R3HDM4: variants seen among roughly 807,000 people sequenced by gnomAD.
R3HDM4 encodes the protein R3H domain-containing protein 4.
In R3HDM4, 30 loss-of-function variants were observed where a neutral mutation model predicts 31.3. That is an observed-to-expected ratio of 0.96 (90% confidence interval 0.72 to 1.30). The LOEUF is 1.30. Among genes scored for constraint, R3HDM4 ranks in the 50% most tolerant of loss-of-function variants. The pLI is 0.00. For missense variants in R3HDM4, 444 were observed against 366.1 expected, an observed-to-expected ratio of 1.21 and a Z score of -1.74; for synonymous variants, 196 against 156.6, an observed-to-expected ratio of 1.25 and a Z score of -1.88.
intron 1 of R3HDM4, among the ~76,000 whole-genome samples, chr19:909,429 C>G (rs2036945310): frequency 6.6e-6 from 1 of 152,022 alleles, no homozygotes; most frequent in South Asian, 2.1e-4. Flanking sequence ...AGGTAAACAC[C>G]CAGAGACTGA....
chr19:897,578 T>TTGGG (rs771454485), intron 7 of R3HDM4, 38 bp from the exon 8 acceptor site: 1 of 1,533,404 alleles, frequency 6.5e-7, no homozygotes, highest in South Asian at 1.2e-5. Context: ...CGGGAGGAAT[T>TTGGG]TGGGAGCCGC....
chr19:907,298 A>G lies in R3HDM4; in HGVS notation c.72-5168T>C, dbSNP rs1262053281. On this transcript the variant is annotated intron_variant, in intron 1 of 7. Transcript: ENST00000361574. This position sits in a 1 kb window ranked among gnomAD's most constrained non-coding sequence, Gnocchi z 4.1. ...GCGTCTCTGAAGCTGGATCAGCCTG[A>G]AGCTGCCTCCCTGAGGCCGGAGCAC... Among the ~76,000 whole-genome samples the G allele has an allele frequency of 6.6e-6, 1 of 152,064 alleles. No individual in the cohort carries two copies. The highest frequency in any genetic ancestry group is 1.9e-4 in the East Asian group (1 of 5,178).
Position 900,054 on chromosome 19 carries a change from C to G in R3HDM4, c.561+7G>C, listed in dbSNP as rs372866218. 12 of 1,611,660 alleles carry G rather than the reference C, an allele frequency of 7.4e-6. No individual in the cohort carries two copies. In the African/African-American group the frequency reaches 1.5e-4, roughly 20 times the overall value. On this transcript the variant is annotated splice_region_variant and intron_variant, in intron 5 of 7. Coordinates refer to ENST00000361574, the MANE Select transcript of R3HDM4 (RefSeq NM_138774.4). ...AGAAAAGGGAGGCCCGGCAATCCCC[C>G]ACTCACCATGGGGATGCGGCTGCGC... is the stretch of plus-strand genomic sequence containing the variant.
intron 1 of R3HDM4, among the ~76,000 whole-genome samples, chr19:911,536 G>C (rs951477352): frequency 2.0e-5 from 3 of 152,262 alleles, no homozygotes; most frequent in Non-Finnish European, 4.4e-5. Flanking sequence ...CCGCCGCAGT[G>C]CCAGCTCGGT....
intron 3 of R3HDM4, 128 bp from the exon 4 acceptor site, chr19:901,080 G>A: frequency 8.1e-7 from 1 of 1,228,558 alleles, no homozygotes; most frequent in Non-Finnish European, 1.1e-6. Context: ...TGTCCACTGA[G>A]GGGCCGCTGC....
Position 901,288 on chromosome 19 carries a change from G to T in R3HDM4, c.351+134C>A. 8.8e-6 allele frequency: 9 copies of T among 1,017,926 alleles called. No individual in the cohort carries two copies. The South Asian group carries it at 1.5e-4, about 16-fold the overall frequency. 63.1% of individuals were successfully genotyped at this position (1,017,926 alleles called of 1,614,324 possible). A position where few individuals can be genotyped will look rare whatever the true frequency, so the allele number is the denominator to read the frequency against. On this transcript the variant is annotated intron_variant, in intron 3 of 7. Transcript: ENST00000361574. ...GGCCTGGTCTGGGGACCCCGAAGGAGACTGAGGGGCCTTCATTAGGAGATC... is the reference window on the plus strand; with the variant it reads ...GGCCTGGTCTGGGGACCCCGAAGGATACTGAGGGGCCTTCATTAGGAGATC...
chr19:901,479 T>A lies in R3HDM4; in HGVS notation c.294A>T (p.Ala98=). The change falls in exon 3 of 8, where the codon GCA becomes GCT. Residue 98 remains alanine (A), a synonymous_variant. Coordinates refer to ENST00000361574, the MANE Select transcript of R3HDM4 (RefSeq NM_138774.4). The stretch of plus-strand genomic sequence containing the variant: ...CAAAGATGCCTGGTGATGCAGGGGG[T>A]GCCAAGTCCCCATCCTCCAGGCCAG... ...GLPGLEDGDL[A]PPASPGIFAE... The A allele has an allele frequency of 6.2e-7, 1 of 1,608,936 alleles. No individual in the cohort carries two copies.
At chr19:911,312 C>T (rs1460119649) in intron 1 of R3HDM4, among the ~76,000 whole-genome samples, 2 of 152,116 alleles carry the variant, frequency 1.3e-5, no homozygotes, top group African/African-American at 4.8e-5. Context: ...AACGTGGTGG[C>T]GGGCGCCTGT....
intron 1 of R3HDM4, among the ~76,000 whole-genome samples, chr19:909,939 C>T (rs2145303034): frequency 6.6e-6 from 1 of 152,322 alleles, no homozygotes; most frequent in South Asian, 2.1e-4. Context: ...AATCCCAGCA[C>T]TTTGTGAGCC....
chr19:912,782 G>C (rs1206560091), intron 1 of R3HDM4, among the ~76,000 whole-genome samples: 2 of 150,106 alleles, frequency 1.3e-5, no homozygotes. Context: ...CCGGGGAGTA[G>C]GGGGCGGAAC....
At chr19:901,930 A>G (rs2145289280) in intron 2 of R3HDM4, 46 bp downstream of exon 2, 2 of 1,607,528 alleles carry the variant, frequency 1.2e-6, no homozygotes, top group Non-Finnish European at 8.5e-7. Flanking sequence ...ATGCCATTCT[A>G]CAAGGCCCAG....
intron 1 of R3HDM4, among the ~76,000 whole-genome samples, chr19:906,798 G>T (rs1277104072): frequency 9.8e-6 from 1 of 101,564 alleles, no homozygotes; most frequent in Non-Finnish European, 2.3e-5. Flanking sequence ...CCATTATACA[G>T]ATTTGGGGTT....
chr19:898,816 G>T (rs986403362), intron 7 of R3HDM4, among the ~76,000 whole-genome samples: 3 of 152,098 alleles, frequency 2.0e-5, no homozygotes, highest in African/African-American at 7.2e-5. Flanking sequence ...AGGCAGGCAT[G>T]GGGGCTGCGT....
intron 2 of R3HDM4, 93 bp from the exon 3 acceptor site, chr19:901,639 T>G: frequency 6.7e-7 from 1 of 1,490,806 alleles, no homozygotes; most frequent in Non-Finnish European, 9.0e-7. Context: ...TCCTTTTTTA[T>G]CATCTCAACC....
At chr19:902,363 A>G in intron 1 of R3HDM4, 1 of 528,388 alleles carries the variant, frequency 1.9e-6, no homozygotes, top group South Asian at 2.3e-5. Flanking sequence ...TGATCCCAGC[A>G]TTGTGGGAGG....
rs1386140422 is a variant in R3HDM4, at chr19:901,182, T to C, written c.352-230A>G. The C allele has an allele frequency of 6.0e-6, 4 of 663,042 alleles. No homozygotes were observed. In the African/African-American group the frequency reaches 7.3e-5, roughly 12 times the overall value. 41.1% of individuals were successfully genotyped at this position (663,042 alleles called of 1,614,324 possible). ...GGGGGGGATTGAGGTGAAACACTCCTGCAATCGTTGGAGGGTTCCCAAACG... is the reference window on the plus strand; with the variant it reads ...GGGGGGGATTGAGGTGAAACACTCCCGCAATCGTTGGAGGGTTCCCAAACG... On this transcript the variant is annotated intron_variant, in intron 3 of 7. Coordinates refer to ENST00000361574, the MANE Select transcript of R3HDM4 (RefSeq NM_138774.4).
chr19:900,806 A>T (rs947354125), intron 4 of R3HDM4, 23 bp downstream of exon 4: 1 of 1,179,840 alleles, frequency 8.5e-7, no homozygotes, highest in Non-Finnish European at 1.1e-6. Flanking sequence ...CCCCACCCAT[A>T]CCCGCCCCAG....
At position 900,854 on chromosome 19, in the gene R3HDM4, A is replaced by G; in HGVS notation, c.450T>C (p.Pro150=). Residue 150 remains proline, a synonymous_variant, in exon 4 of 8, where the codon CCT becomes CCC. Transcript: ENST00000361574. The part of the protein sequence containing the change: ...EGRSKARRRG[P]GRGEDRRRED... ...CTCTCCTCCGGTCCTCCCCACGGCC[A>G]GGGCCCCTCCTCCGCGCCTTGCTCC... 1.4e-6 allele frequency: 2 copies of G among 1,444,886 alleles called. No homozygotes were observed. The highest frequency in any genetic ancestry group is 9.2e-7 in the Non-Finnish European group (1 of 1,083,302). The allele number at this position is 1,444,886 out of a possible 1,614,324, so 89.5% of individuals were successfully genotyped here.
intron 1 of R3HDM4, among the ~76,000 whole-genome samples, chr19:903,173 C>T (rs1325214108): frequency 1.3e-5 from 2 of 151,786 alleles, no homozygotes; most frequent in Admixed American, 1.3e-4. Flanking sequence ...ACATCCCCCA[C>T]TCCCAGCAGC....
Sources: allele counts gnomAD v4.1 joint callset (sites outside exome capture counted in the v4.1 genomes callset), GRCh38; gene constraint gnomAD v4.1.1; non-coding constraint Gnocchi (gnomAD v3.1); transcripts MANE v1.5; gene names NCBI Gene and HGNC (gene_info 2026-07-23, HGNC 2026-07-21).